HCFC1: variants seen among roughly 807,000 people sequenced by gnomAD.
HCFC1 encodes the protein host cell factor 1.
A neutral mutation model predicts 105.5 loss-of-function variants in HCFC1; 7 were observed. The ratio of observed to expected loss-of-function variants is 0.07; its 90% CI spans 0.04 to 0.12. The LOEUF is 0.12. Among genes scored for constraint, HCFC1 ranks in the 10% least tolerant of loss-of-function variants. The pLI is 1.00. For synonymous variants in HCFC1, 918 were observed against 828.1 expected, an observed-to-expected ratio of 1.11 and a Z score of -1.86; for missense variants, 1,065 against 1,823.6, an observed-to-expected ratio of 0.58 and a Z score of 7.58.
chrX:153,964,927 C>T, intron 1 of HCFC1, among the ~76,000 whole-genome samples: 1 of 112,252 alleles, frequency 8.9e-6, no homozygotes, highest in Middle Eastern at 4.6e-3. Context: ...CCTGTGACCA[C>T]CCTGCTTCTC....
intron 20 of HCFC1, 35 bp from the exon 21 acceptor site, chrX:153,951,742 G>C: frequency 8.5e-7 from 1 of 1,182,154 alleles, no homozygotes; most frequent in Non-Finnish European, 1.1e-6. Flanking sequence ...GGAAAGACTC[G>C]GGAAACCTGG....
At chrX:153,949,694 CAG>C (rs782205695) in intron 24 of HCFC1, 78 bp from the exon 25 acceptor site, 39 of 928,413 alleles carry the variant, frequency 4.2e-5, no homozygotes, top group Admixed American at 2.7e-4. Context: ...TGCCCGCCTG[CAG>C]AGTCTCTTGG....
Position 153,958,751 on chromosome X carries a change from G to GAC in HCFC1, c.1620_1621insGT (p.Pro541ValfsTer4). On this transcript the variant is annotated frameshift_variant, in exon 10 of 26. Transcript: ENST00000310441. LOFTEE classifies it high-confidence loss of function. ...AGTGCGGCCATCCCACTCATCTGTG[G>GAC]GCTACTGCCAATCACCTGCAGCAGG... The GAC allele has an allele frequency of 8.6e-7, 1 of 1,166,088 alleles. No homozygotes were observed.
Position 153,971,459 on chromosome X carries a change from G to A in HCFC1, c.-619C>T. 1 of 295,150 alleles carries A rather than the reference G, an allele frequency of 3.4e-6. No individual in the cohort carries two copies. Among genetic ancestry groups the A allele is most frequent in the Non-Finnish European group, 5.9e-6 (1 of 168,737 alleles). The allele number at this position is 295,150 out of a possible 1,213,427, so 24.3% of individuals were successfully genotyped here. On this transcript the variant is annotated 5_prime_UTR_variant, in exon 1 of 26. Coordinates refer to ENST00000310441, the MANE Select transcript of HCFC1 (RefSeq NM_005334.3). ...ACCTAACGAATGGAGGCGGGCCGGA[G>A]GCCGGTGGAACCAGCTCGAGCTCTC...
chrX:153,949,709 C>T lies in HCFC1; in HGVS notation c.6005-93G>A, dbSNP rs1010150249. 1.4e-5 allele frequency: 12 copies of T among 828,665 alleles called. No individual in the cohort carries two copies. The South Asian group carries it at 2.1e-4, about 15-fold the overall frequency. The allele number at this position is 828,665 out of a possible 1,213,427, so 68.3% of individuals were successfully genotyped here. A position where few individuals can be genotyped will look rare whatever the true frequency, so the allele number is the denominator to read the frequency against. ...TGCCCGCCTGCAGAGTCTCTTGGTG[C>T]CACATGGCATGACCCGCAGCTGGCA... On this transcript the variant is annotated intron_variant, in intron 24 of 25. Coordinates refer to ENST00000310441, the MANE Select transcript of HCFC1 (RefSeq NM_005334.3).
Position 153,963,289 on chromosome X carries a change from G to C in HCFC1, c.648C>G (p.Ser216=), listed in dbSNP as rs1557117476. 5 of 1,211,300 alleles carry C rather than the reference G, an allele frequency of 4.1e-6. No homozygotes were observed. Among genetic ancestry groups the C allele is most frequent in the Non-Finnish European group, 3.4e-6 (3 of 895,021 alleles). ...TCATCCCGCCGTAGATCACCAGCTTGGACTTCTTATTGTCTTTTTCGGTGT... is the reference window on the plus strand; with the variant it reads ...TCATCCCGCCGTAGATCACCAGCTTCGACTTCTTATTGTCTTTTTCGGTGT... The part of the protein sequence containing the change: ...VVYTEKDNKK[S]KLVIYGGMSG... The change falls in exon 4 of 26, where the codon TCC becomes TCG. Residue 216 remains serine, a synonymous_variant. Coordinates refer to ENST00000310441, the MANE Select transcript of HCFC1 (RefSeq NM_005334.3).
chrX:153,953,118 A>T (rs2065331362), intron 18 of HCFC1, 160 bp from the exon 19 acceptor site: 1 of 500,985 alleles, frequency 2.0e-6, no homozygotes, highest in African/African-American at 2.3e-5. Context: ...CCCCTGTCAG[A>T]GGGGAGGAGA....
intron 1 of HCFC1, among the ~76,000 whole-genome samples, chrX:153,967,354 G>C (rs1351332443): frequency 2.7e-5 from 3 of 111,547 alleles, no homozygotes; most frequent in African/African-American, 3.3e-5. Context: ...GCTGTGCCCC[G>C]GCCTCTCTGT....
chrX:153,961,412 C>G (rs1264434578), intron 6 of HCFC1, 130 bp downstream of exon 6: 11 of 455,233 alleles, frequency 2.4e-5, no homozygotes, highest in Non-Finnish European at 4.2e-5. Context: ...CCCACTGGAT[C>G]CTTCCAGTGG....
In HCFC1 at chrX:153,954,696, G is replaced by A; in HGVS notation, c.3703C>T (p.His1235Tyr). The change falls in exon 17 of 26, where the codon CAT (histidine) becomes TAT (tyrosine). Residue 1235 changes from histidine to tyrosine, a missense_variant. His to Tyr is a moderately conservative substitution (Grantham distance 83, BLOSUM62 2). This residue lies in a region of HCFC1 where 546 missense variants were observed against 599.9 expected (regional missense o/e 0.91). Transcript: ENST00000310441. ...GTCATGGCAGCGGTGCTGACCGCAT[G>A]GCTGTGGCGCCCCGCAGGAAGGTCC... ...IKDLPAGRHS[H>Y]AVSTAAMTRS... The A allele has an allele frequency of 8.3e-7, 1 of 1,201,406 alleles. No homozygotes were observed. The highest frequency in any genetic ancestry group is 1.1e-6 in the Non-Finnish European group (1 of 890,567).
chrX:153,964,292 A>G lies in HCFC1; in HGVS notation c.343-8T>C, dbSNP rs1557117804. 5.1e-6 allele frequency: 6 copies of G among 1,167,198 alleles called. No homozygotes were observed. The highest frequency in any genetic ancestry group is 6.9e-6 in the Non-Finnish European group (6 of 870,156). ...CCACTCCCACCGGCTCGCCTGCAAAATCAAGACCTGGAGACTGAACCGTGG... is the reference window on the plus strand; with the variant it reads ...CCACTCCCACCGGCTCGCCTGCAAAGTCAAGACCTGGAGACTGAACCGTGG... On this transcript the variant is annotated splice_region_variant and splice_polypyrimidine_tract_variant and intron_variant, in intron 2 of 25. Transcript: ENST00000310441.
chrX:153,970,524 TGAGGGAGGAGATGGAGG>T (rs1422124386), intron 1 of HCFC1, 107 bp downstream of exon 1: 7 of 342,618 alleles, frequency 2.0e-5, no homozygotes, highest in African/African-American at 1.4e-4. Flanking sequence ...GGGTAGAGGG[TGAGGGAGGAGATGGAGG>T]GAGGGAGGAG....
At position 153,950,521 on chromosome X, in the gene HCFC1, G is replaced by C. The variant is rs781904041; in HGVS notation, c.5726C>G (p.Thr1909Ser). The change falls in exon 24 of 26, where the codon ACC (threonine) becomes AGC (serine). Residue 1909 changes from threonine (T) to serine (S), a missense_variant. This residue lies in a region of HCFC1 where 32 missense variants were observed against 68.3 expected (regional missense o/e 0.47). Coordinates refer to ENST00000310441, the MANE Select transcript of HCFC1 (RefSeq NM_005334.3). ...GGAGGTCACAGAGGGTGGCTCCCAG[G>C]TGAGGTGAGCACCATCCGGACTCTA... ...ISKSPDGAHL[T>S]WEPPSVTSGK... is the part of the protein sequence containing the mutation. 1 of 1,176,566 alleles carries C rather than the reference G, an allele frequency of 8.5e-7. No individual in the cohort carries two copies. The highest frequency in any genetic ancestry group is 2.3e-5 in the Admixed American group (1 of 43,236).
chrX:153,968,906 C>T (rs1404745888), intron 1 of HCFC1, among the ~76,000 whole-genome samples: 2 of 112,210 alleles, frequency 1.8e-5, no homozygotes, highest in African/African-American at 6.5e-5. Flanking sequence ...TGAGCTAATT[C>T]CTGCTACTGC....
At position 153,956,503 on chromosome X, in the gene HCFC1, T is replaced by C. The variant is rs2065378293; in HGVS notation, c.2636-92A>G. On this transcript the variant is annotated intron_variant, in intron 15 of 25. Transcript: ENST00000310441. ...ACAGGCTGGGGCACTCTGGAGCTGC[T>C]TGCATAGAAGGCTCGGGAGAGAGGA... The C allele has an allele frequency of 3.6e-6, 4 of 1,114,325 alleles. No individual in the cohort carries two copies. In the South Asian group the frequency reaches 5.7e-5, roughly 16 times the overall value. The allele number at this position is 1,114,325 out of a possible 1,213,427, so 91.8% of individuals were successfully genotyped here.
At chrX:153,966,085 T>C (rs1472622327) in intron 1 of HCFC1, among the ~76,000 whole-genome samples, 1 of 111,804 alleles carries the variant, frequency 8.9e-6, no homozygotes, top group East Asian at 2.8e-4. Flanking sequence ...TGGCATACAC[T>C]TGTGGTCCTA....
chrX:153,964,088 A>AC (rs782295240), intron 3 of HCFC1, 36 bp downstream of exon 3: 5 of 1,160,165 alleles, frequency 4.3e-6, no homozygotes, highest in Admixed American at 4.6e-5. Context: ...GAGCACACCC[A>AC]CCCGGGGGGT....
rs781785111 is a variant in HCFC1, at chrX:153,957,830, T to C, written c.2085A>G (p.Ser695=). Residue 695 remains serine, a synonymous_variant, in exon 12 of 26, where the codon TCA becomes TCG. Coordinates refer to ENST00000310441, the MANE Select transcript of HCFC1 (RefSeq NM_005334.3). ...SVVQTKPVQT[S]AVTGQASTGP... Reference sequence around the variant, plus strand: ...CCGTGGACGCCTGGCCTGTGACTGCTGAAGTCTGAACTGGTTTGGTCTGGA... The same window carrying C: ...CCGTGGACGCCTGGCCTGTGACTGCCGAAGTCTGAACTGGTTTGGTCTGGA... 1 of 1,211,049 alleles carries C rather than the reference T, an allele frequency of 8.3e-7. No individual in the cohort carries two copies. Among genetic ancestry groups the C allele is most frequent in the Non-Finnish European group, 1.1e-6 (1 of 894,601 alleles).
rs1603297246 is a variant in HCFC1 at position 153,960,374 on chromosome X, C to G, written c.945G>C (p.Glu315Asp). 8.3e-7 allele frequency: 1 copy of G among 1,204,844 alleles called. No individual in the cohort carries two copies. Among genetic ancestry groups the G allele is most frequent in the East Asian group, 3.0e-5 (1 of 33,661 alleles). The change falls in exon 7 of 26, where the codon GAG becomes GAC. Residue 315 changes from glutamate to aspartate, a missense_variant. Glu to Asp is a conservative substitution (Grantham distance 45). Transcript: ENST00000310441. ...CAGCCCGAGCACGGGGGATGTTGTC[C>G]TCCAGTGTATCCATCAGGATGGTCT... ...AWETILMDTL[E>D]DNIPRARAGH...
Sources: allele counts gnomAD v4.1 joint callset (sites outside exome capture counted in the v4.1 genomes callset), GRCh38; gene constraint gnomAD v4.1.1; regional missense constraint gnomAD v4.1.1; transcripts MANE v1.5; gene names NCBI Gene and HGNC (gene_info 2026-07-23, HGNC 2026-07-21).